The following RIMS3 variants were observed in gnomAD, a reference collection of about 807,000 sequenced individuals.
RIMS3 encodes the protein regulating synaptic membrane exocytosis 3.
RIMS3 carries 15 observed loss-of-function variants against 29.2 expected under a neutral mutation model. The observed-to-expected ratio is 0.51, with a 90% CI of 0.34 to 0.79. RIMS3 has a LOEUF of 0.79. Among genes scored for constraint, RIMS3 ranks in the 30% least tolerant of loss-of-function variants. The pLI is 0.01. For synonymous variants in RIMS3, 161 were observed against 170.1 expected, an observed-to-expected ratio of 0.95 and a Z score of 0.41; for missense variants, 342 against 421.4, an observed-to-expected ratio of 0.81 and a Z score of 1.65.
At chr1:40,661,253 T>C (rs1269583768) in intron 1 of RIMS3, among the ~76,000 whole-genome samples, 1 of 152,122 alleles carries the variant, frequency 6.6e-6, no homozygotes, top group Non-Finnish European at 1.5e-5. Flanking sequence ...TGTAAAGCGA[T>C]GGGCAGAGAA....
chr1:40,664,166 A>G (rs1642392289), intron 1 of RIMS3, among the ~76,000 whole-genome samples: 1 of 152,048 alleles, frequency 6.6e-6, no homozygotes, highest in Non-Finnish European at 1.5e-5. Flanking sequence ...TGTGGGCCCT[A>G]AACAAACAAC....
In RIMS3 at chr1:40,636,075, C is replaced by A; in HGVS notation, c.218-18G>T. Reference sequence around the variant, plus strand: ...GGCCCCTTCTGTGACCCCCCCAACCCCAAGCACAGAGAGGGAACAAGGTCA... The same window carrying A: ...GGCCCCTTCTGTGACCCCCCCAACCACAAGCACAGAGAGGGAACAAGGTCA... On this transcript the variant is annotated intron_variant, in intron 3 of 7. Coordinates refer to ENST00000372684, the MANE Select transcript of RIMS3 (RefSeq NM_014747.3). This position sits in a 1 kb window ranked among gnomAD's most constrained non-coding sequence, Gnocchi z 4.2. The A allele has an allele frequency of 6.2e-7, 1 of 1,601,656 alleles. No homozygotes were observed. Among genetic ancestry groups the A allele is most frequent in the East Asian group, 2.2e-5 (1 of 44,872 alleles).
the RIMS3 span, among the ~76,000 whole-genome samples, chr1:40,683,476 T>G: frequency 1.3e-5 from 2 of 152,226 alleles, no homozygotes; most frequent in African/African-American, 4.8e-5. Flanking sequence ...TGATATCTTC[T>G]GCCACGTTAT....
intron 1 of RIMS3, among the ~76,000 whole-genome samples, chr1:40,653,397 C>CTGGA (rs1642221296): frequency 6.6e-6 from 1 of 152,160 alleles, no homozygotes; most frequent in Non-Finnish European, 1.5e-5. Context: ...GATGGCCAAG[C>CTGGA]TGGAAGGCCT....
At chr1:40,668,491 C>CGGGGGGGGGGGGGGGGTGGGGGGGGG (rs56114535), upstream of RIMS3, among the ~76,000 whole-genome samples, 1 of 51,586 alleles carries the variant, frequency 1.9e-5, no homozygotes, top group Non-Finnish European at 3.5e-5. Flanking sequence ...GGGTTGTGGG[C>CGGGGGGGGGGGGGGGGTGGGGGGGGG]GGGGGGGGGG....
chr1:40,691,751 C>T, the RIMS3 span: 1 of 455,638 alleles, frequency 2.2e-6, no homozygotes, highest in South Asian at 1.6e-5. Context: ...TTCGCGCGCG[C>T]TCCGTTCTCC....
chr1:40,630,806 G>A (rs150571351), intron 5 of RIMS3, among the ~76,000 whole-genome samples: 129 of 152,260 alleles, frequency 8.5e-4, no homozygotes, highest in African/African-American at 3.0e-3. Flanking sequence ...GTCTAGGGCT[G>A]GGAAAAGCAG....
At chr1:40,674,661 T>G in the RIMS3 span, among the ~76,000 whole-genome samples, 2 of 152,142 alleles carry the variant, frequency 1.3e-5, no homozygotes, top group Non-Finnish European at 2.9e-5. Context: ...GATAAAAGGA[T>G]GCATTCAACC....
At chr1:40,687,662 T>TACC in the RIMS3 span, 1 of 150,126 alleles carries the variant, frequency 6.7e-6, no homozygotes, top group African/African-American at 2.5e-5. Context: ...AAAAAACTTC[T>TACC]ACCACTCACT....
the RIMS3 span, chr1:40,673,314 A>G: frequency 2.6e-5 from 4 of 152,226 alleles, no homozygotes; most frequent in South Asian, 4.1e-4. Flanking sequence ...TTTAGACTTT[A>G]CCATGCACTC....
the RIMS3 span, chr1:40,691,508 A>G: frequency 6.6e-6 from 2 of 304,486 alleles, no homozygotes; most frequent in South Asian, 2.3e-5. Flanking sequence ...GGATCCCCCG[A>G]AAGGGGGCGG....
chr1:40,653,072 G>A (rs189589002), intron 1 of RIMS3, among the ~76,000 whole-genome samples: 6 of 152,318 alleles, frequency 3.9e-5, no homozygotes, highest in African/African-American at 1.4e-4. Context: ...CTGGCTTAAG[G>A]AGAAGATGAA....
intron 1 of RIMS3, among the ~76,000 whole-genome samples, chr1:40,651,280 T>G (rs1395345060): frequency 6.6e-6 from 1 of 152,112 alleles, no homozygotes; most frequent in Non-Finnish European, 1.5e-5. Context: ...GGTGGCCACG[T>G]GAAGACAGAC....
chr1:40,686,968 A>C, the RIMS3 span, among the ~76,000 whole-genome samples: 1 of 151,054 alleles, frequency 6.6e-6, no homozygotes, highest in Non-Finnish European at 1.5e-5. Flanking sequence ...GGAATGTAAA[A>C]TGGTATGATG....
chr1:40,677,367 G>A, the RIMS3 span, among the ~76,000 whole-genome samples: 1 of 151,900 alleles, frequency 6.6e-6, no homozygotes, highest in Admixed American at 6.6e-5. Flanking sequence ...TCACAAAGCA[G>A]GTTGATGGCT....
Position 40,626,355 on chromosome 1 carries a change from C to A in RIMS3, c.*162G>T. On this transcript the variant is annotated 3_prime_UTR_variant, in exon 8 of 8. Coordinates refer to ENST00000372684, the MANE Select transcript of RIMS3 (RefSeq NM_014747.3). Reference sequence around the variant, plus strand: ...ACACACACACACGCACGCACACACGCACACACTACAGTCTCCACTGCCAGC... The same window carrying A: ...ACACACACACACGCACGCACACACGAACACACTACAGTCTCCACTGCCAGC... 1 of 697,076 alleles carries A rather than the reference C, an allele frequency of 1.4e-6. No individual in the cohort carries two copies. Among genetic ancestry groups the A allele is most frequent in the Non-Finnish European group, 2.6e-6 (1 of 390,894 alleles). The allele number at this position is 697,076 out of a possible 1,614,324, so 43.2% of individuals were successfully genotyped here.
At chr1:40,692,057 G>T in the RIMS3 span, 5 of 208,922 alleles carry the variant, frequency 2.4e-5, no homozygotes, top group Middle Eastern at 2.7e-3. Flanking sequence ...CGCGCTCGTG[G>T]GGTCCGTGTG....
At position 40,622,632 on chromosome 1, in the gene RIMS3, A is replaced by T. The variant is rs1319344398; in HGVS notation, c.*3885T>A. On this transcript the variant is annotated 3_prime_UTR_variant, in exon 8 of 8. Transcript: ENST00000372684. The stretch of plus-strand genomic sequence containing the variant: ...ACTGCTGGACAACCTTCTGGCCCTG[A>T]ATGATGTGCCATCTCTCCAGCCAGG... 6.5e-6 allele frequency: 1 copy of T among 152,704 alleles called. No homozygotes were observed. The highest frequency in any genetic ancestry group is 1.5e-5 in the Non-Finnish European group (1 of 68,088). The allele number at this position is 152,704 out of a possible 1,614,324, so 9.5% of individuals were successfully genotyped here.
rs989021889 is a variant in RIMS3 at position 40,623,194 on chromosome 1, G to C, written c.*3323C>G. The C allele has an allele frequency of 2.6e-6, 1 of 385,850 alleles. No individual in the cohort carries two copies. Among genetic ancestry groups the C allele is most frequent in the Non-Finnish European group, 4.6e-6 (1 of 218,698 alleles). 23.9% of individuals were successfully genotyped at this position (385,850 alleles called of 1,614,324 possible). A position where few individuals can be genotyped will look rare whatever the true frequency, so the allele number is the denominator to read the frequency against. ...TTGCCTGGGACTTGCTGCATCCCAA[G>C]AGCCTCCTAAGTGCTCCTTTCCTAG... On this transcript the variant is annotated 3_prime_UTR_variant, in exon 8 of 8. Coordinates refer to ENST00000372684, the MANE Select transcript of RIMS3 (RefSeq NM_014747.3).
Sources: gnomAD v4.1 joint callset for allele counts (sites outside exome capture counted in the v4.1 genomes callset) on GRCh38, gnomAD v4.1.1 for gene constraint, Gnocchi (gnomAD v3.1) non-coding constraint, MANE v1.5 for transcripts, NCBI Gene and HGNC (gene_info 2026-07-23, HGNC 2026-07-21) for gene names.